Variants in PPP1R36 observed in about 807,000 individuals in gnomAD.
PPP1R36 encodes protein phosphatase 1 regulatory subunit 36, also known as chromosome 14 open reading frame 50.
Under a neutral mutation model 53.4 loss-of-function variants are expected in PPP1R36, and 47 were observed. That is an observed-to-expected ratio of 0.88 (90% confidence interval 0.70 to 1.12). The LOEUF is 1.12. PPP1R36 is among the 50% of genes most tolerant of loss of function. PPP1R36 has a pLI of 0.00. For missense variants in PPP1R36, 456 were observed against 513.9 expected, an observed-to-expected ratio of 0.89 and a Z score of 1.09; for synonymous variants, 153 against 170.5, an observed-to-expected ratio of 0.90 and a Z score of 0.80.
chr14:64,575,134 C>T (rs2080332300), intron 8 of PPP1R36, among the ~76,000 whole-genome samples: 1 of 152,192 alleles, frequency 6.6e-6, no homozygotes, highest in African/African-American at 2.4e-5. Context: ...AGGTCGAACA[C>T]ATCAACCCTT....
At chr14:64,588,573 T>TG in intron 11 of PPP1R36, 1 of 343,454 alleles carries the variant, frequency 2.9e-6, no homozygotes, top group Non-Finnish European at 5.2e-6. Flanking sequence ...TTTTTTTTTT[T>TG]TTTTGAGACG....
intron 3 of PPP1R36, among the ~76,000 whole-genome samples, chr14:64,560,707 G>T (rs1405283579): frequency 6.6e-6 from 1 of 152,148 alleles, no homozygotes; most frequent in African/African-American, 2.4e-5. Context: ...TTTGATGGTG[G>T]TACTTATTTA....
chr14:64,556,944 G>A (rs897633215), intron 3 of PPP1R36, among the ~76,000 whole-genome samples: 2 of 150,624 alleles, frequency 1.3e-5, no homozygotes, highest in South Asian at 2.1e-4. Flanking sequence ...CCCCCACTGC[G>A]CCCACCCGCC....
intron 8 of PPP1R36, 96 bp downstream of exon 8, chr14:64,574,685 T>G: frequency 7.4e-7 from 1 of 1,344,342 alleles, no homozygotes; most frequent in Non-Finnish European, 1.0e-6. Flanking sequence ...TGAGAAAATG[T>G]TCCTTTTTCT....
intron 8 of PPP1R36, among the ~76,000 whole-genome samples, chr14:64,583,409 C>T (rs558599876): frequency 7.2e-5 from 11 of 152,180 alleles, no homozygotes; most frequent in East Asian, 5.8e-4. Context: ...ATTTCCTGGA[C>T]GCATTTCTAT....
At chr14:64,586,901 G>A in intron 9 of PPP1R36, 22 bp downstream of exon 9, 3 of 1,598,896 alleles carry the variant, frequency 1.9e-6, no homozygotes, top group Non-Finnish European at 2.6e-6. Flanking sequence ...ATGTTTTGGT[G>A]CTTTTTGATA....
chr14:64,574,090 T>C (rs1479452335), intron 7 of PPP1R36, among the ~76,000 whole-genome samples: 1 of 151,884 alleles, frequency 6.6e-6, no homozygotes, highest in Non-Finnish European at 1.5e-5. Context: ...TTCAGAATAG[T>C]TTATGGCTGG....
At chr14:64,564,946 T>G in intron 4 of PPP1R36, 109 bp downstream of exon 4, 2 of 700,130 alleles carry the variant, frequency 2.9e-6, no homozygotes, top group South Asian at 3.7e-5. Flanking sequence ...TAGGTCGCAA[T>G]GCGAATACCC....
intron 3 of PPP1R36, among the ~76,000 whole-genome samples, chr14:64,558,982 A>G (rs1183685752): frequency 6.6e-6 from 1 of 151,940 alleles, no homozygotes; most frequent in Admixed American, 6.6e-5. Flanking sequence ...AATGAAGGAA[A>G]GACATAGTAG....
intron 8 of PPP1R36, among the ~76,000 whole-genome samples, chr14:64,585,440 T>C (rs868850507): frequency 7.1e-6 from 1 of 140,006 alleles, no homozygotes; most frequent in African/African-American, 2.8e-5. Context: ...CACCTAAGCC[T>C]GGGGAGGTCA....
chr14:64,550,073 G>A lies in PPP1R36; in HGVS notation c.69+7G>A. ...GACCCCTTACTTGATGGATGTAAGT[G>A]CAGCCTTGGTCGCCCCCATACCCGG... On this transcript the variant is annotated splice_region_variant and intron_variant, in intron 1 of 11. Coordinates refer to ENST00000298705, the MANE Select transcript of PPP1R36 (RefSeq NM_172365.3). The A allele has an allele frequency of 6.4e-7, 1 of 1,557,102 alleles. No individual in the cohort carries two copies. Among genetic ancestry groups the A allele is most frequent in the South Asian group, 1.2e-5 (1 of 84,462 alleles).
At chr14:64,570,746 A>G (rs1270606955) in intron 7 of PPP1R36, among the ~76,000 whole-genome samples, 2 of 152,204 alleles carry the variant, frequency 1.3e-5, no homozygotes, top group Non-Finnish European at 2.9e-5. Context: ...CTTGGGAGGA[A>G]AGCCTACAGC....
rs1362971503 is a variant in PPP1R36 at position 64,588,159 on chromosome 14, G to T, written c.946G>T (p.Val316Phe). The change falls in exon 11 of 12, where the codon GTC becomes TTC. Residue 316 changes from valine to phenylalanine, a missense_variant. Transcript: ENST00000298705. Reference sequence around the variant, plus strand: ...AAAAGCTATCAACATGCGTTCTCCAGTCATGTCTACTCTGCTGCCATCTCT... The same window carrying T: ...AAAAGCTATCAACATGCGTTCTCCATTCATGTCTACTCTGCTGCCATCTCT... ...IKKAINMRSP[V>F]MSTLLPSLRE... 6.2e-7 allele frequency: 1 copy of T among 1,613,568 alleles called. No individual in the cohort carries two copies. The highest frequency in any genetic ancestry group is 1.3e-5 in the African/African-American group (1 of 75,036).
chr14:64,551,402 G>A (rs955065221), intron 2 of PPP1R36, among the ~76,000 whole-genome samples: 2 of 152,088 alleles, frequency 1.3e-5, no homozygotes, highest in Non-Finnish European at 2.9e-5. Context: ...TAACATTAAT[G>A]GGAACATATT....
At chr14:64,589,030 A>G (rs2080461877) in intron 11 of PPP1R36, 122 bp from the exon 12 acceptor site, 4 of 643,164 alleles carry the variant, frequency 6.2e-6, no homozygotes, top group East Asian at 3.0e-5. Context: ...GAGAAAGAGT[A>G]TATCTTAGCT....
rs1459870883 is a variant in PPP1R36 at position 64,561,761 on chromosome 14, T to G, written c.183-2990T>G. On this transcript the variant is annotated intron_variant, in intron 3 of 11. Coordinates refer to ENST00000298705, the MANE Select transcript of PPP1R36 (RefSeq NM_172365.3). ...AGACTTTTCTCTCTGACATAGTACC[T>G]GCTATCCTTTCTCTTCTTGCTTCAA... is the stretch of plus-strand genomic sequence containing the variant. The G allele has an allele frequency of 6.6e-6, 3 of 455,960 alleles. No individual in the cohort carries two copies. In the Admixed American group the frequency reaches 7.0e-5, roughly 11 times the overall value. The allele number at this position is 455,960 out of a possible 1,614,324, so 28.2% of individuals were successfully genotyped here.
chr14:64,556,648 C>A (rs2080155055), intron 3 of PPP1R36, among the ~76,000 whole-genome samples: 1 of 145,586 alleles, frequency 6.9e-6, no homozygotes, highest in Non-Finnish European at 1.5e-5. Flanking sequence ...GTGGTATGCG[C>A]CTGTAGTCCC....
At chr14:64,569,737 T>C (rs2080288466) in intron 7 of PPP1R36, among the ~76,000 whole-genome samples, 1 of 152,010 alleles carries the variant, frequency 6.6e-6, no homozygotes, top group African/African-American at 2.4e-5. Flanking sequence ...ATTTCTTTTT[T>C]CTTTTCTTTT....
At chr14:64,562,640 G>A (rs1370898166) in intron 3 of PPP1R36, among the ~76,000 whole-genome samples, 1 of 152,016 alleles carries the variant, frequency 6.6e-6, no homozygotes, top group Admixed American at 6.6e-5. Context: ...AGTAGAGAAG[G>A]TGTGTCCAGA....
Sources: allele counts gnomAD v4.1 joint callset (sites outside exome capture counted in the v4.1 genomes callset), GRCh38; gene constraint gnomAD v4.1.1; transcripts MANE v1.5; gene names NCBI Gene and HGNC (gene_info 2026-07-23, HGNC 2026-07-21).